TTN: variants seen among roughly 807,000 people sequenced by gnomAD.
The protein encoded by TTN is titin, also known as connectin.
In TTN, 1,525 loss-of-function variants were observed where a neutral mutation model predicts 3,223.0. That is an observed-to-expected ratio of 0.47 (90% CI 0.45 to 0.49). TTN has a LOEUF of 0.49. Among genes scored for constraint, TTN ranks in the 20% least tolerant of loss-of-function variants. The pLI, the probability that TTN is intolerant of heterozygous loss-of-function variation, is 0.00. For synonymous variants in TTN, 14,094 were observed against 15,161.0 expected, an observed-to-expected ratio of 0.93 and a Z score of 5.17; for missense variants, 40,786 against 43,424.0, an observed-to-expected ratio of 0.94 and a Z score of 5.40.
Position 178,580,371 on chromosome 2 carries a change from C to T in TTN, c.67008G>A (p.Leu22336=), listed in dbSNP as rs374176472. The change falls in exon 317 of 363, where the codon CTG becomes CTA. Residue 22336 remains leucine (L), a synonymous_variant. Transcript: ENST00000589042. The stretch of plus-strand genomic sequence containing the variant: ...ATTCCTTTTTACCACAGCTGTTCTC[C>T]AGGGTTAAGATATATTTTCCTGCAT... ...KYDAGKYILT[L]ENSCGKKEYT... The T allele has an allele frequency of 3.7e-6, 6 of 1,613,058 alleles. No individual in the cohort carries two copies. Among genetic ancestry groups the T allele is most frequent in the Non-Finnish European group, 5.1e-6 (6 of 1,179,442 alleles).
chr2:178,697,494 A>G lies in TTN; in HGVS notation c.30755-326T>C, dbSNP rs192857848. 3.2e-3 allele frequency among the ~76,000 whole-genome samples: 480 copies of G among 152,282 alleles called. 6 individuals are homozygous for G. Among genetic ancestry groups the G allele is most frequent in the East Asian group, 2.7e-3 (14 of 5,188 alleles). ...ATTAAGCATGAAGAGAATGTTTAAT[A>G]TGTCCAATGCTAAAAATAACACATT... On this transcript the variant is annotated intron_variant, in intron 112 of 362. Coordinates refer to ENST00000589042, the MANE Select transcript of TTN (RefSeq NM_001267550.2).
chr2:178,634,396 T>C lies in TTN; in HGVS notation c.42385A>G (p.Lys14129Glu). The change falls in exon 230 of 363, where the codon AAG becomes GAG. Residue 14129 changes from lysine (K) to glutamate (E), a missense_variant. Physicochemically the swap from Lys to Glu is moderately conservative, Grantham distance 56. Transcript: ENST00000589042. This position sits in a 1 kb window ranked among gnomAD's most constrained non-coding sequence, Gnocchi z 4.6. ...ACAAACAACCGAGCTGAGGTCTTCT[T>C]GCCCTCCACCTCAGCAGTATAGACC... ...EGVYTAEVEG[K>E]KTSARLFVTG... 6.2e-7 allele frequency: 1 copy of C among 1,610,036 alleles called. No homozygotes were observed. The highest frequency in any genetic ancestry group is 8.5e-7 in the Non-Finnish European group (1 of 1,178,822).
At position 178,531,652 on chromosome 2, in the gene TTN, A is replaced by T; in HGVS notation, c.104963T>A (p.Ile34988Asn). Residue 34988 changes from isoleucine to asparagine, a missense_variant, in exon 358 of 363, where the codon ATT (isoleucine) becomes AAT (asparagine). Physicochemically the swap from Ile to Asn is moderately radical, Grantham distance 149 (BLOSUM62 -3). Coordinates refer to ENST00000589042, the MANE Select transcript of TTN (RefSeq NM_001267550.2). Reference sequence around the variant, plus strand: ...GACTCCACTCGTGTTGGTGTAATGAATCTTACTGCTTTCTTGGAGTTCCAC... The same window carrying T: ...GACTCCACTCGTGTTGGTGTAATGATTCTTACTGCTTTCTTGGAGTTCCAC... Reference protein sequence around the residue: ...NGVELQESSKIHYTNTSGVLT... With the variant: ...NGVELQESSKNHYTNTSGVLT... 3 of 1,613,974 alleles carry T rather than the reference A, an allele frequency of 1.9e-6. No individual in the cohort carries two copies. In the East Asian group the frequency reaches 6.7e-5, roughly 36 times the overall value.
At chr2:178,623,881 C>T (rs949009747) in intron 242 of TTN, among the ~76,000 whole-genome samples, 2 of 151,900 alleles carry the variant, frequency 1.3e-5, no homozygotes, top group Admixed American at 6.6e-5. Context: ...CATTAGAGTT[C>T]TCTTCATTCA....
chr2:178,552,457 T>C lies in TTN; in HGVS notation c.90443A>G (p.Asn30148Ser), dbSNP rs1699818097. 1.2e-6 allele frequency: 2 copies of C among 1,608,762 alleles called. No homozygotes were observed. The highest frequency in any genetic ancestry group is 8.5e-7 in the Non-Finnish European group (1 of 1,175,772). The change falls in exon 335 of 363, where the codon AAT becomes AGT. Residue 30148 changes from asparagine to serine, a missense_variant. Coordinates refer to ENST00000589042, the MANE Select transcript of TTN (RefSeq NM_001267550.2). ...CTTATAAGGTAATTCAAGGTGCACA[T>C]TGTGCCCAATTCTCACAGTGACTTG... ...GAQVTVRIGH[N>S]VHLELPYKGK...
In TTN at chr2:178,589,394, C is replaced by T. The variant is rs780766065; in HGVS notation, c.62331G>A (p.Gly20777=). 3 of 1,613,392 alleles carry T rather than the reference C, an allele frequency of 1.9e-6. No individual in the cohort carries two copies. The highest frequency in any genetic ancestry group is 2.2e-5 in the South Asian group (2 of 91,062). The change falls in exon 304 of 363, where the codon GGG becomes GGA. Residue 20777 remains glycine (G), a synonymous_variant. Coordinates refer to ENST00000589042, the MANE Select transcript of TTN (RefSeq NM_001267550.2). ...TGTCCCCTGCTTTGACAGTTAGGACCCCACTTAATTTCAGATCAAGTACTG... is the reference window on the plus strand; with the variant it reads ...TGTCCCCTGCTTTGACAGTTAGGACTCCACTTAATTTCAGATCAAGTACTG... ...QKPVLDLKLS[G]VLTVKAGDTI... is the part of the protein sequence containing the mutation.
At position 178,590,590 on chromosome 2, in the gene TTN, T is replaced by C. The variant is rs775620011; in HGVS notation, c.61135A>G (p.Lys20379Glu). 6.2e-7 allele frequency: 1 copy of C among 1,612,594 alleles called. No homozygotes were observed. The highest frequency in any genetic ancestry group is 1.1e-5 in the South Asian group (1 of 90,880). The change falls in exon 304 of 363, where the codon AAA becomes GAA. Residue 20379 changes from lysine (K) to glutamate (E), a missense_variant. By Grantham distance (56) the Lys-to-Glu change is moderately conservative. Coordinates refer to ENST00000589042, the MANE Select transcript of TTN (RefSeq NM_001267550.2). Reference sequence around the variant, plus strand: ...GTTTCTCTGCTCTTGTCTTTCAGTTTAGGATTAATAGGTGGTCCAGGTGGT... The same window carrying C: ...GTTTCTCTGCTCTTGTCTTTCAGTTCAGGATTAATAGGTGGTCCAGGTGGT... ...IKPPGPPINP[K>E]LKDKSRETAD... is the part of the protein sequence containing the mutation.
chr2:178,712,196 C>T lies in TTN; in HGVS notation c.27634G>A (p.Glu9212Lys), dbSNP rs769421279. ...LEPPYFVKQL[E>K]PVKVSVGDSA... ...TCTCCAACAGACACCTTAACCGGCT[C>T]CAACTGCTTGACAAAATACGGTGGT... The change falls in exon 96 of 363, where the codon GAG becomes AAG. Residue 9212 changes from glutamate to lysine, a missense_variant. Coordinates refer to ENST00000589042, the MANE Select transcript of TTN (RefSeq NM_001267550.2). 3 of 1,613,346 alleles carry T rather than the reference C, an allele frequency of 1.9e-6. No individual in the cohort carries two copies. Among genetic ancestry groups the T allele is most frequent in the Non-Finnish European group, 2.5e-6 (3 of 1,179,608 alleles).
chr2:178,617,433 C>G lies in TTN; in HGVS notation c.47652G>C (p.Leu15884=), dbSNP rs1018824321. The change falls in exon 254 of 363, where the codon CTG becomes CTC. Residue 15884 remains leucine (L), a synonymous_variant. Coordinates refer to ENST00000589042, the MANE Select transcript of TTN (RefSeq NM_001267550.2). The part of the protein sequence containing the change: ...SSVQLKWEPP[L]KDGGSPILGY... The stretch of plus-strand genomic sequence containing the variant: ...CTAATATTGGGCTTCCTCCATCTTT[C>G]AGAGGAGGTTCCCATTTGAGCTGAA... The G allele has an allele frequency of 1.3e-6, 2 of 1,595,080 alleles. No individual in the cohort carries two copies. Among genetic ancestry groups the G allele is most frequent in the Non-Finnish European group, 1.7e-6 (2 of 1,174,226 alleles).
rs187584970 is a variant in TTN, at chr2:178,804,649, A to G, written c.-7T>C. 4.1e-5 allele frequency: 66 copies of G among 1,613,670 alleles called. No individual in the cohort carries two copies. The Middle Eastern group carries it at 5.0e-4, about 12-fold the overall frequency. On this transcript the variant is annotated 5_prime_UTR_variant, in exon 2 of 363. Transcript: ENST00000589042. ...TCGGTGCTTGAGTTGTCATCTTTCTAGGCACTCTGAAAAAGAAGAGAAAAT... is the reference window on the plus strand; with the variant it reads ...TCGGTGCTTGAGTTGTCATCTTTCTGGGCACTCTGAAAAAGAAGAGAAAAT...
Position 178,680,050 on chromosome 2 carries a change from C to T in TTN, c.33424G>A (p.Glu11142Lys), listed in dbSNP as rs753345916. The T allele has an allele frequency of 5.0e-6, 8 of 1,612,596 alleles. No individual in the cohort carries two copies. In the Admixed American group the frequency reaches 8.4e-5, roughly 17 times the overall value. Residue 11142 changes from glutamate (E) to lysine (K), a missense_variant, in exon 140 of 363, where the codon GAA becomes AAA. By Grantham distance (56) the Glu-to-Lys change is moderately conservative. Coordinates refer to ENST00000589042, the MANE Select transcript of TTN (RefSeq NM_001267550.2). Reference sequence around the variant, plus strand: ...TCTGGTTCAAGTTCTTTAGGCACTTCTGGCACTTTAAAGATATTATCTTTA... The same window carrying T: ...TCTGGTTCAAGTTCTTTAGGCACTTTTGGCACTTTAAAGATATTATCTTTA... ...KEVAPPVRVP[E>K]VPKELEPEEV...
chr2:178,645,712 T>C (rs2061833099), intron 217 of TTN: 1 of 381,956 alleles, frequency 2.6e-6, no homozygotes, highest in Non-Finnish European at 4.7e-6. Flanking sequence ...TCAATGTACT[T>C]TCTGACTTTT....
rs1703148429 is a variant in TTN at position 178,560,266 on chromosome 2, T to C, written c.85866A>G (p.Glu28622=). The change falls in exon 326 of 363, where the codon GAA becomes GAG. Residue 28622 remains glutamate (E), a synonymous_variant. Transcript: ENST00000589042. ...CAGCATTTTCTGCATAAACACGATA[T>C]TCATATTCACATCCTTCCCGAAGTC... ...STGLREGCEY[E]YRVYAENAAG... The C allele has an allele frequency of 1.2e-6, 2 of 1,613,838 alleles. No homozygotes were observed. The highest frequency in any genetic ancestry group is 1.7e-6 in the Non-Finnish European group (2 of 1,179,798).
chr2:178,672,234 G>C lies in TTN; in HGVS notation c.34964C>G (p.Ala11655Gly). The C allele has an allele frequency of 1.9e-6, 3 of 1,568,624 alleles. No individual in the cohort carries two copies. The highest frequency in any genetic ancestry group is 2.6e-6 in the Non-Finnish European group (3 of 1,155,898). Reference sequence around the variant, plus strand: ...TTTTACTACTACTTCTTGGCGGAAGGCAACTGATACTTTTTCTTCAAGGAC... The same window carrying C: ...TTTTACTACTACTTCTTGGCGGAAGCCAACTGATACTTTTTCTTCAAGGAC... ...RTVLEEKVSV[A>G]FRQEVVVKER... Residue 11655 changes from alanine to glycine, a missense_variant, in exon 155 of 363, where the codon GCC becomes GGC. Coordinates refer to ENST00000589042, the MANE Select transcript of TTN (RefSeq NM_001267550.2).
chr2:178,715,849 T>C, intron 88 of TTN, 75 bp from the exon 89 acceptor site: 2 of 1,423,218 alleles, frequency 1.4e-6, no homozygotes, highest in Non-Finnish European at 1.9e-6. Context: ...GTGGAAAAAA[T>C]AATCTTTGCT....
rs750218480 is a variant in TTN at position 178,712,215 on chromosome 2, C to T, written c.27615G>A (p.Pro9205=). The T allele has an allele frequency of 1.1e-5, 17 of 1,612,574 alleles. No homozygotes were observed. In the African/African-American group the frequency reaches 1.2e-4, roughly 11 times the overall value. Residue 9205 remains proline, a synonymous_variant, in exon 96 of 363, where the codon CCG becomes CCA. Coordinates refer to ENST00000589042, the MANE Select transcript of TTN (RefSeq NM_001267550.2). The part of the protein sequence containing the change: ...CSAQILILEP[P]YFVKQLEPVK... ...CCGGCTCCAACTGCTTGACAAAATA[C>T]GGTGGTTCTGCAGCCAAGAGAGATA...
chr2:178,690,934 A>G (rs765320259), intron 121 of TTN, among the ~76,000 whole-genome samples: 1 of 152,206 alleles, frequency 6.6e-6, no homozygotes, highest in Non-Finnish European at 1.5e-5. Context: ...ATGTTCAGAT[A>G]GTATATAGAA....
rs1700847616 is a variant in TTN, at chr2:178,555,069, T to G, written c.88390A>C (p.Ile29464Leu). The G allele has an allele frequency of 6.2e-7, 1 of 1,613,738 alleles. No homozygotes were observed. Residue 29464 changes from isoleucine (I) to leucine (L), a missense_variant, in exon 331 of 363, where the codon ATT (isoleucine) becomes CTT (leucine). Coordinates refer to ENST00000589042, the MANE Select transcript of TTN (RefSeq NM_001267550.2). Reference sequence around the variant, plus strand: ...ATAGTAGGCGCAGGTTTGCCAGAAATGCCAGCTCTGAGCTTCACAGATGTA... The same window carrying G: ...ATAGTAGGCGCAGGTTTGCCAGAAAGGCCAGCTCTGAGCTTCACAGATGTA... Reference protein sequence around the residue: ...AGTSVKLRAGISGKPAPTIEW... With the variant: ...AGTSVKLRAGLSGKPAPTIEW...
chr2:178,670,904 CT>C (rs2066852297), intron 156 of TTN, among the ~76,000 whole-genome samples, 185 bp downstream of exon 156: 1 of 151,868 alleles, frequency 6.6e-6, no homozygotes, highest in Non-Finnish European at 1.5e-5. Flanking sequence ...ACAACAGTGA[CT>C]GTCTTTTTTT....
Sources: gnomAD v4.1 joint callset for allele counts (sites outside exome capture counted in the v4.1 genomes callset) on GRCh38, gnomAD v4.1.1 for gene constraint, Gnocchi (gnomAD v3.1) non-coding constraint, MANE v1.5 for transcripts, NCBI Gene and HGNC (gene_info 2026-07-23, HGNC 2026-07-21) for gene names.